The following SLC9A6 variants were observed in gnomAD, a reference collection of about 807,000 sequenced individuals.
SLC9A6 encodes solute carrier family 9 member A6, also known as sodium/hydrogen exchanger 6.
Under a neutral mutation model 45.3 loss-of-function variants are expected in SLC9A6, and 6 were observed. The ratio of observed to expected loss-of-function variants is 0.13; its 90% CI spans 0.07 to 0.26. The LOEUF (loss-of-function observed/expected upper bound fraction) is 0.26, where lower values mean the gene tolerates loss of function less well. Ranked by LOEUF, SLC9A6 falls within the 10% of genes least tolerant of loss-of-function variation. The pLI is 1.00. For synonymous variants in SLC9A6, 191 were observed against 187.7 expected, an observed-to-expected ratio of 1.02 and a Z score of -0.14; for missense variants, 278 against 503.7, an observed-to-expected ratio of 0.55 and a Z score of 4.29.
At chrX:135,991,418 C>T (rs1029403636) in intron 2 of SLC9A6, among the ~76,000 whole-genome samples, 7 of 110,546 alleles carry the variant, frequency 6.3e-5, no homozygotes, top group East Asian at 2.9e-4. Context: ...CCACCACGCC[C>T]GGCTAATTTT....
At position 135,979,675 on chromosome X, in the gene SLC9A6, C is replaced by T. The variant is rs139254452; in HGVS notation, c.-57+4892C>T. Among the ~76,000 whole-genome samples, 59 of 112,418 alleles carry T rather than the reference C, an allele frequency of 5.2e-4. No individual in the cohort carries two copies. In the East Asian group the frequency reaches 0.016, roughly 31 times the overall value. ...TGCATCTAACTTTCCATATGCATTC[C>T]TACTGCACCTGCTAAGTTAAGGCCT... On this transcript the variant is annotated intron_variant, in intron 1 of 16. Transcript: ENST00000636092.
intron 7 of SLC9A6, among the ~76,000 whole-genome samples, chrX:136,008,640 A>G: frequency 8.9e-6 from 1 of 112,588 alleles, no homozygotes; most frequent in East Asian, 2.8e-4. Flanking sequence ...GCATGCATGT[A>G]ACACAAAGAG....
In SLC9A6 at chrX:135,985,511, G is replaced by C. The variant is rs1556614706; in HGVS notation, c.-57+34G>C. ...GGGAGGCGGGGGGAGACATGGCTCG[G>C]CGCGGCTGGCGGCGGGCACCCCTCC... On this transcript the variant is annotated intron_variant, in intron 1 of 17. Transcript: ENST00000630721. 1 of 1,106,956 alleles carries C rather than the reference G, an allele frequency of 9.0e-7. No homozygotes were observed. The allele number at this position is 1,106,956 out of a possible 1,213,427, so 91.2% of individuals were successfully genotyped here.
At chrX:135,984,815 T>C (rs12843913), upstream of SLC9A6, among the ~76,000 whole-genome samples, 4 of 111,711 alleles carry the variant, frequency 3.6e-5, no homozygotes, top group South Asian at 1.5e-3. Context: ...CACAAACCGA[T>C]CCAATCTTTG....
chrX:135,998,791 A>T, intron 5 of SLC9A6, 65 bp from the exon 6 acceptor site: 1 of 820,773 alleles, frequency 1.2e-6, no homozygotes, highest in Non-Finnish European at 1.9e-6. Flanking sequence ...CCATCTTCTT[A>T]CTTTATCCTA....
chrX:135,978,379 C>T (rs1167376136), intron 1 of SLC9A6, among the ~76,000 whole-genome samples: 2 of 111,730 alleles, frequency 1.8e-5, no homozygotes, highest in Non-Finnish European at 3.8e-5. Flanking sequence ...TAGCTGGGCA[C>T]GGTGGCTCAC....
At position 136,038,673 on chromosome X, in the gene SLC9A6, G is replaced by C. The variant is rs954252012; in HGVS notation, c.1662-1403G>C. ...ACCAGTGAAGCCATTTGAGCCTGGA[G>C]CTTTCTGTAGGAGAAAGTTTTTAAT... On this transcript the variant is annotated intron_variant, in intron 16 of 17. Transcript: ENST00000630721. Among the ~76,000 whole-genome samples, 3 of 109,850 alleles carry C rather than the reference G, an allele frequency of 2.7e-5. No individual in the cohort carries two copies. In the Admixed American group the frequency reaches 2.9e-4, roughly 11 times the overall value.
At position 136,045,673 on chromosome X, in the gene SLC9A6, G is replaced by A. The variant is rs141403059; in HGVS notation, c.*949G>A. On this transcript the variant is annotated 3_prime_UTR_variant, in exon 18 of 18. Coordinates refer to ENST00000630721, the MANE Select transcript of SLC9A6 (RefSeq NM_001379110.1). Reference sequence around the variant, plus strand: ...CTTTGTCGTCAGAAGTTTTTATATCGATTTAAATTGCTGCTCTTTAGCAGC... The same window carrying A: ...CTTTGTCGTCAGAAGTTTTTATATCAATTTAAATTGCTGCTCTTTAGCAGC... 82 of 112,418 alleles carry A rather than the reference G, an allele frequency of 7.3e-4. No homozygotes were observed. The highest frequency in any genetic ancestry group is 2.3e-3 in the African/African-American group (70 of 30,899). The allele number at this position is 112,418 out of a possible 1,213,427, so 9.3% of individuals were successfully genotyped here.
chrX:135,988,244 A>T (rs1419789488), intron 2 of SLC9A6, among the ~76,000 whole-genome samples: 1 of 111,864 alleles, frequency 8.9e-6, no homozygotes, highest in African/African-American at 3.3e-5. Context: ...CTCTTGTGGA[A>T]TGTAAAGTGC....
intron 16 of SLC9A6, among the ~76,000 whole-genome samples, chrX:136,039,305 A>T (rs1465190466): frequency 4.5e-5 from 5 of 111,127 alleles, no homozygotes; most frequent in African/African-American, 1.6e-4. Flanking sequence ...CTCAAAAAAA[A>T]AAAAAATAAA....
intron 3 of SLC9A6, among the ~76,000 whole-genome samples, chrX:135,995,204 C>T (rs1261630010): frequency 8.9e-6 from 1 of 112,319 alleles, no homozygotes; most frequent in East Asian, 2.8e-4. Flanking sequence ...CTTTTTGTTT[C>T]TCTCTGGATT....
At chrX:136,041,555 C>T (rs1556622631) in intron 17 of SLC9A6, among the ~76,000 whole-genome samples, 1 of 111,632 alleles carries the variant, frequency 9.0e-6, no homozygotes. Context: ...TCTCCATTTC[C>T]ACCATGCCCT....
rs2071151063 is a variant in SLC9A6 at position 136,022,779 on chromosome X, T to TA, written c.1306+83dup. ...CCAGCTTGATGTAACACTGAGATGT[T>TA]ATGCTGGTCATATAATACTCCTTTA... On this transcript the variant is annotated intron_variant, in intron 12 of 17. Coordinates refer to ENST00000630721, the MANE Select transcript of SLC9A6 (RefSeq NM_001379110.1). 9.7e-6 allele frequency: 5 copies of TA among 515,636 alleles called. No individual in the cohort carries two copies. In the East Asian group the frequency reaches 1.7e-4, roughly 17 times the overall value. The allele number at this position is 515,636 out of a possible 1,213,427, so 42.5% of individuals were successfully genotyped here. A position where few individuals can be genotyped will look rare whatever the true frequency, so the allele number is the denominator to read the frequency against.
chrX:135,974,031 G>C (rs1404391225), upstream of SLC9A6: 1 of 546,320 alleles, frequency 1.8e-6, no homozygotes. Flanking sequence ...GGCGAGAACA[G>C]GGTGGGGCAG....
In SLC9A6 at chrX:136,024,386, C is replaced by T. The variant is rs2071192812; in HGVS notation, c.1363C>T (p.Arg455Trp). 1 of 1,208,480 alleles carries T rather than the reference C, an allele frequency of 8.3e-7. No individual in the cohort carries two copies. The highest frequency in any genetic ancestry group is 2.2e-5 in the Admixed American group (1 of 45,616). Residue 455 changes from arginine (R) to tryptophan (W), a missense_variant, in exon 13 of 18, where the codon CGG becomes TGG. Arg to Trp is a moderately radical substitution (Grantham distance 101). Around this residue, in one of 5 missense-constraint regions of SLC9A6, gnomAD observed 15 missense variants for 58.1 expected, o/e 0.26. Transcript: ENST00000630721. The part of the protein sequence containing the change: ...LAIRDTATYA[R>W]QMMFSTTLLI... The stretch of plus-strand genomic sequence containing the variant: ...CATTCGAGATACTGCCACTTATGCA[C>T]GGCAAATGATGTTCAGCACCACGCT...
At chrX:135,998,294 C>A in intron 4 of SLC9A6, 109 bp downstream of exon 4, 1 of 592,901 alleles carries the variant, frequency 1.7e-6, no homozygotes, top group Non-Finnish European at 2.9e-6. Context: ...CCTCCTTTCT[C>A]CTCTCCTTAT....
rs782035497 is a variant in SLC9A6 at position 136,010,229 on chromosome X, C to T, written c.744-213C>T. 14 of 323,992 alleles carry T rather than the reference C, an allele frequency of 4.3e-5. 1 individual carries two copies. The highest frequency in any genetic ancestry group is 3.3e-4 in the African/African-American group (12 of 35,973). 26.7% of individuals were successfully genotyped at this position (323,992 alleles called of 1,213,427 possible). A position where few individuals can be genotyped will look rare whatever the true frequency, so the allele number is the denominator to read the frequency against. ...AGAGGATTTTACAATGTTCTACCCCCCCCCCGAAATTAACATTTAAGGGAA... is the reference window on the plus strand; with the variant it reads ...AGAGGATTTTACAATGTTCTACCCCTCCCCCGAAATTAACATTTAAGGGAA... On this transcript the variant is annotated intron_variant, in intron 7 of 17. Coordinates refer to ENST00000630721, the MANE Select transcript of SLC9A6 (RefSeq NM_001379110.1).
At chrX:136,024,100 T>C (rs1414055709) in intron 12 of SLC9A6, among the ~76,000 whole-genome samples, 1 of 111,552 alleles carries the variant, frequency 9.0e-6, no homozygotes, top group Non-Finnish European at 1.9e-5. Context: ...TTGGTCAGGC[T>C]GGTCTCGAAC....
Position 135,998,640 on chromosome X carries a change from T to C in SLC9A6, c.524+82T>C, listed in dbSNP as rs781921863. On this transcript the variant is annotated intron_variant, in intron 5 of 17. Transcript: ENST00000630721. ...TATATTTTTGATTTATGCAGTGTTA[T>C]ATATTCCTGACTGGGTCTAAAGACT... The C allele has an allele frequency of 4.5e-5, 35 of 774,764 alleles. No individual in the cohort carries two copies. In the South Asian group the frequency reaches 7.7e-4, roughly 17 times the overall value. 63.8% of individuals were successfully genotyped at this position (774,764 alleles called of 1,213,427 possible).
Sources: allele counts gnomAD v4.1 joint callset (sites outside exome capture counted in the v4.1 genomes callset), GRCh38; gene constraint gnomAD v4.1.1; regional missense constraint gnomAD v4.1.1; transcripts MANE v1.5; gene names NCBI Gene and HGNC (gene_info 2026-07-23, HGNC 2026-07-21).